ZNF804A: variants seen among roughly 807,000 people sequenced by gnomAD.
ZNF804A encodes the protein zinc finger protein 804A.
A neutral mutation model predicts 16.5 loss-of-function variants in ZNF804A; 2 were observed. The observed-to-expected ratio is 0.12, with a 90% confidence interval of 0.05 to 0.38. The LOEUF (loss-of-function observed/expected upper bound fraction) is 0.38. ZNF804A is among the 10% of genes least tolerant of loss of function. The probability of loss-of-function intolerance (pLI) is 0.99; values close to 1 mark genes in which losing one functional copy is unlikely to be tolerated. For missense variants in ZNF804A, 1,473 were observed against 1,390.7 expected, an observed-to-expected ratio of 1.06 and a Z score of -0.94; for synonymous variants, 534 against 489.6, an observed-to-expected ratio of 1.09 and a Z score of -1.20.
intron 1 of ZNF804A, among the ~76,000 whole-genome samples, chr2:184,713,465 A>G (rs1693161877): frequency 6.6e-6 from 1 of 151,946 alleles, no homozygotes; most frequent in African/African-American, 2.4e-5. Context: ...CATCTAAAAA[A>G]AAAGTATGTC....
rs558278569 is a variant in ZNF804A, at chr2:184,861,038, A to T, written c.112-5331A>T. Among the ~76,000 whole-genome samples, 4 of 152,246 alleles carry T rather than the reference A, an allele frequency of 2.6e-5. No homozygotes were observed. The South Asian group carries it at 8.3e-4, about 32-fold the overall frequency. The stretch of plus-strand genomic sequence containing the variant: ...GATCAAGTCTGTTGCTCAGGCCTGG[A>T]GCCTAGGGCTATAGAATCTAACCTG... On this transcript the variant is annotated intron_variant, in intron 1 of 3. Transcript: ENST00000302277.
At chr2:184,661,222 T>C (rs1438289846) in intron 1 of ZNF804A, among the ~76,000 whole-genome samples, 4 of 152,146 alleles carry the variant, frequency 2.6e-5, no homozygotes, top group African/African-American at 9.7e-5. Context: ...ACAGCCCTTT[T>C]TATCTTGCCA....
chr2:184,923,295 T>C (rs990183537), intron 2 of ZNF804A, among the ~76,000 whole-genome samples: 8 of 152,002 alleles, frequency 5.3e-5, no homozygotes, highest in Non-Finnish European at 7.4e-5. Context: ...GGTATTTTAT[T>C]TTATTTGGAG....
intron 1 of ZNF804A, among the ~76,000 whole-genome samples, chr2:184,795,307 G>T (rs545093499): frequency 6.6e-6 from 1 of 152,142 alleles, no homozygotes; most frequent in Non-Finnish European, 1.5e-5. Context: ...TAAATAATCT[G>T]CTCCTCATTA....
chr2:184,755,354 T>C (rs1007458777), intron 1 of ZNF804A, among the ~76,000 whole-genome samples: 2 of 151,954 alleles, frequency 1.3e-5, no homozygotes, highest in Admixed American at 1.3e-4. Context: ...GAAGTGTTTG[T>C]TTCTATCTAG....
chr2:184,633,258 T>C (rs750067849), intron 1 of ZNF804A, among the ~76,000 whole-genome samples: 1 of 152,218 alleles, frequency 6.6e-6, no homozygotes. Context: ...TCAGAGCAGA[T>C]ACATGTATCT....
chr2:184,681,837 T>C (rs1203692095), intron 1 of ZNF804A, among the ~76,000 whole-genome samples: 2 of 152,192 alleles, frequency 1.3e-5, no homozygotes, highest in Admixed American at 1.3e-4. Flanking sequence ...GACCCAGGCA[T>C]CCCTGTGCTC....
intron 1 of ZNF804A, among the ~76,000 whole-genome samples, chr2:184,745,631 T>G (rs1380266635): frequency 2.0e-5 from 3 of 151,592 alleles, no homozygotes; most frequent in Non-Finnish European, 3.0e-5. Flanking sequence ...CATAAACTCA[T>G]GCATATTTAA....
chr2:184,802,590 G>A (rs1215430959), intron 1 of ZNF804A, among the ~76,000 whole-genome samples: 3 of 152,146 alleles, frequency 2.0e-5, no homozygotes, highest in East Asian at 3.9e-4. Context: ...GATTTCAACT[G>A]TGACTCTCTG....
At chr2:184,677,877 C>A (rs527654419) in intron 1 of ZNF804A, among the ~76,000 whole-genome samples, 1 of 152,034 alleles carries the variant, frequency 6.6e-6, no homozygotes, top group Admixed American at 6.6e-5. Context: ...GGAATTCGGT[C>A]CCACCACAGG....
At chr2:184,757,608 A>C (rs1423405227) in intron 1 of ZNF804A, among the ~76,000 whole-genome samples, 1 of 151,986 alleles carries the variant, frequency 6.6e-6, no homozygotes, top group Non-Finnish European at 1.5e-5. Flanking sequence ...ATTATAACAC[A>C]ATGCAATCAA....
At chr2:184,741,587 C>A (rs985647627) in intron 1 of ZNF804A, among the ~76,000 whole-genome samples, 1 of 152,096 alleles carries the variant, frequency 6.6e-6, no homozygotes, top group Non-Finnish European at 1.5e-5. Context: ...TCAGGCAGGG[C>A]ATTCAGAGGC....
intron 1 of ZNF804A, among the ~76,000 whole-genome samples, chr2:184,619,328 GT>G (rs1691381839): frequency 6.6e-6 from 1 of 151,854 alleles, no homozygotes; most frequent in Non-Finnish European, 1.5e-5. Flanking sequence ...ACATATTTTT[GT>G]GTGTTTTTTT....
chr2:184,827,062 A>G (rs1264969672), intron 1 of ZNF804A, among the ~76,000 whole-genome samples: 1 of 151,962 alleles, frequency 6.6e-6, no homozygotes, highest in African/African-American at 2.4e-5. Flanking sequence ...ATAGTAGTTA[A>G]GATCTCTAAA....
At chr2:184,845,732 G>A (rs76675045) in intron 1 of ZNF804A, among the ~76,000 whole-genome samples, 5,973 of 152,152 alleles carry the variant, frequency 0.039, 380 homozygotes, top group African/African-American at 0.13. Flanking sequence ...TCATCATCAT[G>A]AGAATGTGGT....
intron 1 of ZNF804A, among the ~76,000 whole-genome samples, chr2:184,766,302 G>A (rs1694126253): frequency 6.6e-6 from 1 of 151,988 alleles, no homozygotes; most frequent in Non-Finnish European, 1.5e-5. Flanking sequence ...AAGAATATTA[G>A]TAGATAAGTT....
intron 2 of ZNF804A, among the ~76,000 whole-genome samples, chr2:184,880,868 C>T (rs933708284): frequency 1.3e-5 from 2 of 151,922 alleles, no homozygotes; most frequent in Non-Finnish European, 2.9e-5. Flanking sequence ...GCCCTCATGG[C>T]CTTATCATCT....
At chr2:184,608,304 T>A (rs1222808718) in intron 1 of ZNF804A, among the ~76,000 whole-genome samples, 1 of 152,132 alleles carries the variant, frequency 6.6e-6, no homozygotes, top group African/African-American at 2.4e-5. Flanking sequence ...TTGTGTGAGG[T>A]GTATTTTCTG....
chr2:184,934,670 T>G (rs924530041), intron 3 of ZNF804A, among the ~76,000 whole-genome samples: 1 of 152,196 alleles, frequency 6.6e-6, no homozygotes, highest in Admixed American at 6.5e-5. Flanking sequence ...CCTATGTAAC[T>G]TAACGCTCTA....
Sources: allele counts gnomAD v4.1 joint callset (sites outside exome capture counted in the v4.1 genomes callset), GRCh38; gene constraint gnomAD v4.1.1; transcripts MANE v1.5; gene names NCBI Gene and HGNC (gene_info 2026-07-23, HGNC 2026-07-21).